ZYG11B: variants seen among roughly 807,000 people sequenced by gnomAD.
The protein encoded by ZYG11B is protein zyg-11 homolog B.
ZYG11B carries 36 observed loss-of-function variants against 82.4 expected under a neutral mutation model. That is an observed-to-expected ratio of 0.44 (90% confidence interval 0.33 to 0.58). The LOEUF (loss-of-function observed/expected upper bound fraction) is 0.58. Ranked by LOEUF, ZYG11B falls within the 20% of genes least tolerant of loss-of-function variation. The pLI is 0.02. For synonymous variants in ZYG11B, 303 were observed against 312.8 expected (o/e 0.97, Z 0.33); for missense variants, 552 against 895.6 (o/e 0.62, Z 4.90).
At chr1:52,769,227 T>A (rs1644725597) in intron 2 of ZYG11B, among the ~76,000 whole-genome samples, 1 of 152,142 alleles carries the variant, frequency 6.6e-6, no homozygotes, top group South Asian at 2.1e-4. Flanking sequence ...AAATTTACTC[T>A]CCTGAAATAG....
chr1:52,803,087 C>CACATATATATATATATAT (rs1471683117), intron 10 of ZYG11B, among the ~76,000 whole-genome samples: 1 of 22,544 alleles, frequency 4.4e-5, no homozygotes, highest in Non-Finnish European at 1.0e-4. Context: ...TATATATACA[C>CACATATATATATATATAT]ATATATATAT....
At chr1:52,776,722 GT>G (rs1056323982) in intron 3 of ZYG11B, among the ~76,000 whole-genome samples, 1 of 151,886 alleles carries the variant, frequency 6.6e-6, no homozygotes, top group Non-Finnish European at 1.5e-5. Context: ...CCCTCTTAGA[GT>G]TTTTTTCATT....
intron 1 of ZYG11B, among the ~76,000 whole-genome samples, chr1:52,749,072 G>A (rs995215880): frequency 1.3e-5 from 2 of 150,654 alleles, no homozygotes; most frequent in East Asian, 2.0e-4. Context: ...GTGTGGTGCC[G>A]CGTGCCTGTA....
chr1:52,746,938 A>T (rs1644483008), intron 1 of ZYG11B, among the ~76,000 whole-genome samples: 1 of 147,294 alleles, frequency 6.8e-6, no homozygotes, highest in Non-Finnish European at 1.5e-5. Flanking sequence ...CCTCCATCTG[A>T]GAGGCCTTAT....
At chr1:52,810,618 C>T (rs1358342803) in intron 10 of ZYG11B, among the ~76,000 whole-genome samples, 5 of 152,190 alleles carry the variant, frequency 3.3e-5, no homozygotes, top group Admixed American at 3.3e-4. Context: ...TGCTTGTGAC[C>T]AGTATCTTGA....
intron 3 of ZYG11B, among the ~76,000 whole-genome samples, chr1:52,774,609 A>ATTTTT (rs35043109): frequency 0.017 from 1,876 of 110,888 alleles, 146 homozygotes; most frequent in African/African-American, 0.065. Context: ...GCCTGGCCTA[A>ATTTTT]TTTTTTTTTT....
At chr1:52,733,320 T>G (rs1644350136) in intron 1 of ZYG11B, among the ~76,000 whole-genome samples, 1 of 152,188 alleles carries the variant, frequency 6.6e-6, no homozygotes, top group Admixed American at 6.6e-5. Context: ...TAAATGTGTT[T>G]GTTCTAGAGG....
chr1:52,824,766 T>A lies in ZYG11B; in HGVS notation c.*3137T>A, dbSNP rs560543202. On this transcript the variant is annotated 3_prime_UTR_variant, in exon 14 of 14. Transcript: ENST00000294353. ...ACAGAATTGTGTGTAAGGTCCTGAA[T>A]CTGGCTAAAATACAGTGGATGTATG... is the stretch of plus-strand genomic sequence containing the variant. 8 of 152,184 alleles carry A rather than the reference T, an allele frequency of 5.3e-5. No homozygotes were observed. The highest frequency in any genetic ancestry group is 1.0e-4 in the Non-Finnish European group (7 of 68,030). 9.4% of individuals were successfully genotyped at this position (152,184 alleles called of 1,614,324 possible).
chr1:52,771,207 T>C lies in ZYG11B; in HGVS notation c.384T>C (p.Leu128=). Residue 128 remains leucine (L), a synonymous_variant, in exon 3 of 14, where the codon CTT becomes CTC. Coordinates refer to ENST00000294353, the MANE Select transcript of ZYG11B (RefSeq NM_024646.3). The surrounding 1 kb of genome is among the most constrained non-coding windows in gnomAD (Gnocchi z 5.4). The part of the protein sequence containing the change: ...DITITDIISG[L]GSNKWIQQNL... ...CGATTACAGACATTATCAGTGGGCT[T>C]GGCAGTAACAAATGGATCCAGCAGA... is the stretch of plus-strand genomic sequence containing the variant. 2 of 1,614,248 alleles carry C rather than the reference T, an allele frequency of 1.2e-6. No individual in the cohort carries two copies. The highest frequency in any genetic ancestry group is 2.2e-5 in the South Asian group (2 of 91,088).
At chr1:52,766,374 C>G (rs1644690045) in intron 2 of ZYG11B, among the ~76,000 whole-genome samples, 1 of 151,610 alleles carries the variant, frequency 6.6e-6, no homozygotes, top group South Asian at 2.1e-4. Context: ...CTGCCTTGGC[C>G]TCCCAAAGTG....
chr1:52,777,294 T>C (rs922184523), intron 3 of ZYG11B, among the ~76,000 whole-genome samples: 10 of 152,212 alleles, frequency 6.6e-5, no homozygotes, highest in Non-Finnish European at 1.2e-4. Flanking sequence ...TTAGAAATTC[T>C]TCATATGTAC....
rs1314631612 is a variant in ZYG11B at position 52,807,523 on chromosome 1, A to G, written c.1695+5384A>G. On this transcript the variant is annotated intron_variant, in intron 10 of 13. Coordinates refer to ENST00000294353, the MANE Select transcript of ZYG11B (RefSeq NM_024646.3). ...TTTTTTTTTTTTGAGACAGGTTCTC[A>G]CTCTGTCACCCAGGCTGGAGTACAG... Among the ~76,000 whole-genome samples the G allele has an allele frequency of 6.1e-5, 8 of 130,164 alleles. No individual in the cohort carries two copies. The East Asian group carries it at 1.1e-3, about 18-fold the overall frequency. The allele number at this position is 130,164 out of a possible 152,430, so 85.4% of individuals were successfully genotyped here.
At chr1:52,777,209 C>CA (rs931124626) in intron 3 of ZYG11B, among the ~76,000 whole-genome samples, 10 of 148,204 alleles carry the variant, frequency 6.7e-5, no homozygotes, top group East Asian at 2.0e-4. Context: ...GACCGTATCT[C>CA]AAAAAAAAGG....
intron 2 of ZYG11B, among the ~76,000 whole-genome samples, chr1:52,768,006 A>G (rs1193958153): frequency 2.6e-5 from 4 of 152,158 alleles, no homozygotes; most frequent in Non-Finnish European, 5.9e-5. Flanking sequence ...AGACTTCTCT[A>G]ACACCTCCCC....
At chr1:52,800,315 T>A (rs890896796) in intron 8 of ZYG11B, among the ~76,000 whole-genome samples, 10 of 151,760 alleles carry the variant, frequency 6.6e-5, no homozygotes, top group Non-Finnish European at 1.3e-4. Context: ...AGGTAGTATA[T>A]GCTAAGTACG....
At chr1:52,796,685 C>T in intron 7 of ZYG11B, 49 bp from the exon 8 acceptor site, 5 of 1,465,726 alleles carry the variant, frequency 3.4e-6, no homozygotes, top group Non-Finnish European at 4.7e-6. Context: ...ATATTAAACT[C>T]ACATTAATGA....
Position 52,803,147 on chromosome 1 carries a change from TATATATACACATATATATATAC to T in ZYG11B, c.1695+1010_1695+1031del, listed in dbSNP as rs1558140229. 9.3e-4 allele frequency among the ~76,000 whole-genome samples: 69 copies of T among 74,300 alleles called. 5 individuals are homozygous for T. The Middle Eastern group carries it at 0.032, about 34-fold the overall frequency. The allele number at this position is 74,300 out of a possible 152,430, so 48.7% of individuals were successfully genotyped here. ...ACATATATATATACACACATATATATATATATACACATATATATATACACACATATATATATATATACACATA... is the reference window on the plus strand; with the variant it reads ...ACATATATATATACACACATATATATACACATATATATATATATACACATA... On this transcript the variant is annotated intron_variant, in intron 10 of 13. Coordinates refer to ENST00000294353, the MANE Select transcript of ZYG11B (RefSeq NM_024646.3).
At chr1:52,768,827 C>T (rs1280755571) in intron 2 of ZYG11B, among the ~76,000 whole-genome samples, 2 of 152,156 alleles carry the variant, frequency 1.3e-5, no homozygotes, top group Non-Finnish European at 2.9e-5. Flanking sequence ...TTCCTGGCCT[C>T]AGGTGATCCA....
chr1:52,740,816 T>G (rs1260732320), intron 1 of ZYG11B, among the ~76,000 whole-genome samples: 3 of 150,234 alleles, frequency 2.0e-5, no homozygotes, highest in African/African-American at 7.3e-5. Flanking sequence ...CTGCTCACCT[T>G]GGCCTTCCAA....
Sources: gnomAD v4.1 joint callset for allele counts (sites outside exome capture counted in the v4.1 genomes callset) on GRCh38, gnomAD v4.1.1 for gene constraint, Gnocchi (gnomAD v3.1) non-coding constraint, MANE v1.5 for transcripts, NCBI Gene and HGNC (gene_info 2026-07-23, HGNC 2026-07-21) for gene names.